SPAG1: variants seen among roughly 807,000 people sequenced by gnomAD.
SPAG1 encodes the protein sperm-associated antigen 1.
SPAG1 carries 69 observed loss-of-function variants against 100.5 expected under a neutral mutation model. That is an observed-to-expected ratio of 0.69 (90% confidence interval 0.57 to 0.84). SPAG1 has a LOEUF of 0.84. Among genes scored for constraint, SPAG1 ranks in the 40% least tolerant of loss-of-function variants. SPAG1 has a pLI of 0.00. For synonymous variants in SPAG1, 336 were observed against 411.6 expected (o/e 0.82, Z 2.22); for missense variants, 955 against 1,133.1 (o/e 0.84, Z 2.26).
At chr8:100,222,175 G>A (rs1472654928) in intron 13 of SPAG1, among the ~76,000 whole-genome samples, 1 of 152,186 alleles carries the variant, frequency 6.6e-6, no homozygotes, top group East Asian at 1.9e-4. Flanking sequence ...TCTATCAGGA[G>A]AGGACTTGCC....
chr8:100,187,570 C>A (rs569653551), intron 8 of SPAG1, among the ~76,000 whole-genome samples: 2 of 151,996 alleles, frequency 1.3e-5, no homozygotes, highest in Non-Finnish European at 2.9e-5. Context: ...GTGGCTCACA[C>A]CTATAATCCC....
Position 100,231,256 on chromosome 8 carries a change from TAAC to T in SPAG1, c.1959_1961del (p.Asn654del). On this transcript the variant is annotated inframe_deletion, in exon 15 of 19. Transcript: ENST00000388798. ...GTAAATACAGCGAATGCTTAAAGATTAACAATAAGGAATGTGCCATATATACAA... is the reference window on the plus strand; with the variant it reads ...GTAAATACAGCGAATGCTTAAAGATTAATAAGGAATGTGCCATATATACAA... 1 of 1,598,944 alleles carries T rather than the reference TAAC, an allele frequency of 6.3e-7. No individual in the cohort carries two copies. Among genetic ancestry groups the T allele is most frequent in the Non-Finnish European group, 8.5e-7 (1 of 1,169,992 alleles).
chr8:100,183,035 T>C (rs1437517872), intron 4 of SPAG1, among the ~76,000 whole-genome samples: 3 of 152,050 alleles, frequency 2.0e-5, no homozygotes, highest in African/African-American at 7.2e-5. Context: ...GTGTAGTTGC[T>C]CGATCTCTGC....
At chr8:100,199,118 T>C (rs1483909051) in intron 10 of SPAG1, among the ~76,000 whole-genome samples, 1 of 152,248 alleles carries the variant, frequency 6.6e-6, no homozygotes, top group East Asian at 1.9e-4. Flanking sequence ...ATGTTTTAGA[T>C]TTTCTTGTGC....
chr8:100,162,972 T>A (rs960459097), intron 2 of SPAG1, among the ~76,000 whole-genome samples: 3 of 150,694 alleles, frequency 2.0e-5, no homozygotes, highest in Non-Finnish European at 4.4e-5. Flanking sequence ...TAAAAAATAA[T>A]AATAAAAAAA....
Position 100,212,586 on chromosome 8 carries a change from T to A in SPAG1, c.1097-504T>A, listed in dbSNP as rs1440988311. On this transcript the variant is annotated intron_variant, in intron 10 of 18. Transcript: ENST00000388798. ...AAACTAGGTGCCTAATTTGTGACTT[T>A]TTTGCTAAATTCACTTTTAAAATGA... Among the ~76,000 whole-genome samples, 3 of 152,232 alleles carry A rather than the reference T, an allele frequency of 2.0e-5. No homozygotes were observed. The East Asian group carries it at 5.8e-4, about 29-fold the overall frequency.
chr8:100,213,994 A>C, intron 12 of SPAG1, 76 bp downstream of exon 12: 1 of 800,686 alleles, frequency 1.2e-6, no homozygotes. Context: ...CAAGATCCTA[A>C]ATTTTCTGCC....
At chr8:100,179,057 C>G (rs1816250808) in intron 4 of SPAG1, among the ~76,000 whole-genome samples, 1 of 137,164 alleles carries the variant, frequency 7.3e-6, no homozygotes, top group South Asian at 2.5e-4. Context: ...ATTGTCTCCT[C>G]TGTCTCAAAA....
At chr8:100,217,512 C>T (rs987434669) in intron 12 of SPAG1, among the ~76,000 whole-genome samples, 3 of 152,042 alleles carry the variant, frequency 2.0e-5, no homozygotes, top group Non-Finnish European at 2.9e-5. Flanking sequence ...GGCCTCTCCC[C>T]TCACCACAGC....
In SPAG1 at chr8:100,233,484, G is replaced by T; in HGVS notation, c.2062G>T (p.Asp688Tyr). The T allele has an allele frequency of 6.2e-7, 1 of 1,614,112 alleles. No individual in the cohort carries two copies. The highest frequency in any genetic ancestry group is 8.5e-7 in the Non-Finnish European group (1 of 1,179,968). ...CTGTGATCAGGCACTTCAGCTAGCT[G>T]ATGGGAACGTGAAAGCCTTCTATAG... Reference protein sequence around the residue: ...QDCDQALQLADGNVKAFYRRA... With the variant: ...QDCDQALQLAYGNVKAFYRRA... Residue 688 changes from aspartate to tyrosine, a missense_variant, in exon 16 of 19, where the codon GAT becomes TAT. Asp to Tyr is a radical substitution (Grantham distance 160). Transcript: ENST00000388798.
chr8:100,165,238 G>T, intron 2 of SPAG1: 2 of 518,944 alleles, frequency 3.9e-6, no homozygotes, highest in South Asian at 2.9e-5. Context: ...CTTCCATCAC[G>T]ACTCTAGGAA....
rs1563785345 is a variant in SPAG1 at position 100,191,436 on chromosome 8, G to A, written c.879G>A (p.Arg293=). 3.1e-6 allele frequency: 5 copies of A among 1,613,948 alleles called. No individual in the cohort carries two copies. The highest frequency in any genetic ancestry group is 4.2e-6 in the Non-Finnish European group (5 of 1,179,954). ...CATATAAACATCAAAACAAGCTCCG[G>A]GAAGCTACAGAAGATTTGAGTAAAG... ...ATTYKHQNKL[R]EATEDLSKVL... The change falls in exon 9 of 19, where the codon CGG becomes CGA. Residue 293 remains arginine, a synonymous_variant. Coordinates refer to ENST00000388798, the MANE Select transcript of SPAG1 (RefSeq NM_003114.5).
chr8:100,228,349 A>T (rs1337295589), intron 14 of SPAG1, among the ~76,000 whole-genome samples: 1 of 150,560 alleles, frequency 6.6e-6, no homozygotes, highest in Non-Finnish European at 1.5e-5. Flanking sequence ...TGGCAGGAGG[A>T]TCACTTGAGG....
In SPAG1 at chr8:100,239,420, T is replaced by C. The variant is rs1159407624; in HGVS notation, c.2280+16T>C. 4 of 1,530,092 alleles carry C rather than the reference T, an allele frequency of 2.6e-6. No homozygotes were observed. The Admixed American group carries it at 6.7e-5, about 26-fold the overall frequency. 94.8% of individuals were successfully genotyped at this position (1,530,092 alleles called of 1,614,324 possible). The stretch of plus-strand genomic sequence containing the variant: ...GATTCAAGAGGTATTTGTATTTGAT[T>C]ATCTTTGAAAGTACTCCTTTGGGGA... On this transcript the variant is annotated intron_variant, in intron 17 of 18. Transcript: ENST00000388798. The surrounding 1 kb of genome is among the most constrained non-coding windows in gnomAD (Gnocchi z 5.0).
At chr8:100,167,883 T>C (rs1482466582) in intron 3 of SPAG1, among the ~76,000 whole-genome samples, 1 of 152,254 alleles carries the variant, frequency 6.6e-6, no homozygotes, top group African/African-American at 2.4e-5. Context: ...TTGCCTTTTC[T>C]AGACTTGCAT....
At position 100,213,380 on chromosome 8, in the gene SPAG1, G is replaced by C. The variant is rs1239706074; in HGVS notation, c.1387G>C (p.Glu463Gln). 12 of 1,450,424 alleles carry C rather than the reference G, an allele frequency of 8.3e-6. No individual in the cohort carries two copies. Among genetic ancestry groups the C allele is most frequent in the Non-Finnish European group, 1.0e-5 (11 of 1,099,902 alleles). 89.8% of individuals were successfully genotyped at this position (1,450,424 alleles called of 1,614,324 possible). ...NELFRSGQFAEAAGKYSAAIA... is the reference protein window; with the variant it reads ...NELFRSGQFAQAAGKYSAAIA... ...GCTGTTCCGAAGCGGGCAGTTCGCC[G>C]AGGCGGCCGGCAAGTACTCGGCGGC... The change falls in exon 11 of 19, where the codon GAG becomes CAG. Residue 463 changes from glutamate (E) to glutamine (Q), a missense_variant. Transcript: ENST00000388798.
intron 15 of SPAG1, among the ~76,000 whole-genome samples, chr8:100,232,646 T>G (rs955011918): frequency 2.6e-5 from 4 of 152,186 alleles, no homozygotes; most frequent in African/African-American, 9.6e-5. Flanking sequence ...CTCCTAAATG[T>G]CTGCAGCACC....
chr8:100,201,281 C>G (rs1208372415), intron 10 of SPAG1, among the ~76,000 whole-genome samples: 1 of 151,928 alleles, frequency 6.6e-6, no homozygotes. Flanking sequence ...GCATCCCTGC[C>G]TAATTTTTTC....
chr8:100,187,189 C>T lies in SPAG1; in HGVS notation c.771C>T (p.Asn257=). ...CTCAAGCAGAAATCAAATTACAGAA[C>T]TGGAATAGTGCTTTTCAGGATTGTG... ...NRAQAEIKLQ[N]WNSAFQDCEK... The change falls in exon 8 of 19, where the codon AAC becomes AAT. Residue 257 remains asparagine, a synonymous_variant. Transcript: ENST00000388798. 6.2e-7 allele frequency: 1 copy of T among 1,612,908 alleles called. No homozygotes were observed. The highest frequency in any genetic ancestry group is 2.2e-5 in the East Asian group (1 of 44,788).
Sources: gnomAD v4.1 joint callset for allele counts (sites outside exome capture counted in the v4.1 genomes callset) on GRCh38, gnomAD v4.1.1 for gene constraint, Gnocchi (gnomAD v3.1) non-coding constraint, MANE v1.5 for transcripts, NCBI Gene and HGNC (gene_info 2026-07-23, HGNC 2026-07-21) for gene names.